The following KDM7A variants were observed in gnomAD, a reference collection of about 807,000 sequenced individuals.
The protein encoded by KDM7A is lysine-specific demethylase 7A.
Under a neutral mutation model 114.8 loss-of-function variants are expected in KDM7A, and 28 were observed. That is an observed-to-expected ratio of 0.24 (90% CI 0.18 to 0.33). KDM7A has a LOEUF of 0.33. KDM7A is among the 10% of genes least tolerant of loss of function. KDM7A has a pLI of 1.00. For missense variants in KDM7A, 942 were observed against 1,142.5 expected, an observed-to-expected ratio of 0.82 and a Z score of 2.53; for synonymous variants, 423 against 397.8, an observed-to-expected ratio of 1.06 and a Z score of -0.75.
intron 7 of KDM7A, among the ~76,000 whole-genome samples, chr7:140,122,048 C>T (rs1818624751): frequency 6.6e-6 from 1 of 152,132 alleles, no homozygotes; most frequent in African/African-American, 2.4e-5. Context: ...CCACAGAATC[C>T]GAACCTTGGC....
intron 1 of KDM7A, among the ~76,000 whole-genome samples, chr7:140,157,609 A>G (rs1794471739): frequency 6.6e-6 from 1 of 152,132 alleles, no homozygotes; most frequent in African/African-American, 2.4e-5. Context: ...AGCTGTGATC[A>G]TGCAACAGCA....
intron 1 of KDM7A, among the ~76,000 whole-genome samples, chr7:140,163,579 G>A (rs1233638895): frequency 2.6e-5 from 4 of 152,060 alleles, no homozygotes; most frequent in South Asian, 2.1e-4. Context: ...ACAGTGCCTG[G>A]CCCTCTTACC....
chr7:140,097,120 A>G, intron 15 of KDM7A, 73 bp from the exon 16 acceptor site: 2 of 1,072,940 alleles, frequency 1.9e-6, no homozygotes, highest in Non-Finnish European at 2.7e-6. Flanking sequence ...ATCCGAAAAG[A>G]TTTTATACAT....
At chr7:140,156,323 C>T (rs998154503) in intron 1 of KDM7A, among the ~76,000 whole-genome samples, 2 of 152,146 alleles carry the variant, frequency 1.3e-5, no homozygotes, top group African/African-American at 2.4e-5. Flanking sequence ...ATTACACAGG[C>T]GTTAATACAC....
chr7:140,116,183 G>C (rs1818526152), intron 9 of KDM7A, among the ~76,000 whole-genome samples: 1 of 152,084 alleles, frequency 6.6e-6, no homozygotes, highest in African/African-American at 2.4e-5. Flanking sequence ...ACAAAGACAA[G>C]AACTTCTTAG....
chr7:140,142,524 A>G (rs1359322498), intron 1 of KDM7A, among the ~76,000 whole-genome samples: 3 of 152,196 alleles, frequency 2.0e-5, no homozygotes, highest in South Asian at 2.1e-4. Flanking sequence ...GTACAACCTC[A>G]TAAGTAACTG....
At chr7:140,100,718 A>ATATATATATATATATATATACACATATG (rs1818204004) in intron 12 of KDM7A, among the ~76,000 whole-genome samples, 4 of 37,728 alleles carry the variant, frequency 1.1e-4, no homozygotes, top group African/African-American at 3.3e-4. Context: ...ACACATATAT[A>ATATATATATATATATATATACACATATG]TATATATATA....
intron 11 of KDM7A, among the ~76,000 whole-genome samples, chr7:140,103,691 TTC>T (rs752016666): frequency 6.2e-4 from 94 of 152,362 alleles, no homozygotes; most frequent in Non-Finnish European, 1.1e-3. Flanking sequence ...GTGCCACAAT[TTC>T]TTAATCCAGT....
intron 1 of KDM7A, among the ~76,000 whole-genome samples, chr7:140,172,913 T>A (rs1794662261): frequency 6.6e-6 from 1 of 152,206 alleles, no homozygotes; most frequent in Non-Finnish European, 1.5e-5. Flanking sequence ...ACATGCGTAC[T>A]TTCATATTCT....
At chr7:140,167,748 C>T (rs1456838361) in intron 1 of KDM7A, among the ~76,000 whole-genome samples, 1 of 151,730 alleles carries the variant, frequency 6.6e-6, no homozygotes, top group Non-Finnish European at 1.5e-5. Context: ...AAATCCAGAA[C>T]CAATAAAAGA....
chr7:140,100,738 A>T (rs1190024970), intron 12 of KDM7A, among the ~76,000 whole-genome samples: 9 of 51,416 alleles, frequency 1.8e-4, no homozygotes, highest in African/African-American at 5.2e-4. Flanking sequence ...ATATATATAT[A>T]TATACATATA....
chr7:140,110,422 T>C (rs986020073), intron 11 of KDM7A, among the ~76,000 whole-genome samples: 2 of 152,176 alleles, frequency 1.3e-5, no homozygotes. Context: ...GCAAGCATTT[T>C]AGTATTTTGT....
At chr7:140,108,168 T>G (rs566075722) in intron 11 of KDM7A, among the ~76,000 whole-genome samples, 1 of 152,178 alleles carries the variant, frequency 6.6e-6, no homozygotes, top group South Asian at 2.1e-4. Context: ...TAGTTAGCCA[T>G]TTGTCATATC....
intron 9 of KDM7A, among the ~76,000 whole-genome samples, chr7:140,115,087 GCAGCCCCCGCCCGGC>G (rs1359790052): frequency 6.6e-6 from 1 of 150,564 alleles, no homozygotes; most frequent in Non-Finnish European, 1.5e-5. Context: ...GAGGTGGGGG[GCAGCCCCCGCCCGGC>G]CAGCCACCCC....
intron 1 of KDM7A, among the ~76,000 whole-genome samples, chr7:140,175,885 CTT>C (rs1006414562): frequency 1.2e-4 from 18 of 152,232 alleles, no homozygotes; most frequent in Admixed American, 8.5e-4. Context: ...CAACTGCACT[CTT>C]TGTAAAGTTT....
rs2116821704 is a variant in KDM7A, at chr7:140,140,033, A to C, written c.195-843T>G. On this transcript the variant is annotated intron_variant, in intron 1 of 19. Coordinates refer to ENST00000397560, the MANE Select transcript of KDM7A (RefSeq NM_030647.2). ...CAAGACTCCAGGCCCAGATGACCTC[A>C]CATGCAAGTTCTATCAAATATTCAA... Among the ~76,000 whole-genome samples the C allele has an allele frequency of 2.0e-5, 3 of 152,340 alleles. No homozygotes were observed. In the Middle Eastern group the frequency reaches 0.01, roughly 518 times the overall value.
At chr7:140,159,550 C>T (rs982873772) in intron 1 of KDM7A, among the ~76,000 whole-genome samples, 5 of 152,070 alleles carry the variant, frequency 3.3e-5, no homozygotes, top group East Asian at 3.9e-4. Context: ...TGCCTTTTCG[C>T]GTTATGCATA....
Position 140,114,706 on chromosome 7 carries a change from C to T in KDM7A, c.1247-1124G>A, listed in dbSNP as rs574431742. Among the ~76,000 whole-genome samples, 4 of 152,108 alleles carry T rather than the reference C, an allele frequency of 2.6e-5. No individual in the cohort carries two copies. In the South Asian group the frequency reaches 8.3e-4, roughly 32 times the overall value. ...AGAAGCGCCTCTTCCCGGCTGCCAT[C>T]CCGTCTAGGAAGTGAGGAGCGTCTC... On this transcript the variant is annotated intron_variant, in intron 9 of 19. Transcript: ENST00000397560.
intron 9 of KDM7A, 76 bp downstream of exon 9, chr7:140,119,037 T>C: frequency 1.2e-6 from 1 of 809,824 alleles, no homozygotes; most frequent in South Asian, 1.9e-5. Context: ...AAGGGACTCT[T>C]TCTGTCAGGT....
Sources: allele counts gnomAD v4.1 joint callset (sites outside exome capture counted in the v4.1 genomes callset), GRCh38; gene constraint gnomAD v4.1.1; transcripts MANE v1.5; gene names NCBI Gene and HGNC (gene_info 2026-07-23, HGNC 2026-07-21).